The following SEC24D variants were observed in gnomAD, a reference collection of about 807,000 sequenced individuals.
SEC24D encodes protein transport protein Sec24D.
A neutral mutation model predicts 116.9 loss-of-function variants in SEC24D; 69 were observed. The ratio of observed to expected loss-of-function variants is 0.59; its 90% CI spans 0.49 to 0.72. The LOEUF is 0.72. Ranked by LOEUF, SEC24D falls within the 30% of genes least tolerant of loss-of-function variation. The pLI, the probability that SEC24D is intolerant of heterozygous loss-of-function variation, is 0.00. For synonymous variants in SEC24D, 405 were observed against 442.8 expected, an observed-to-expected ratio of 0.91 and a Z score of 1.07; for missense variants, 1,131 against 1,264.1, an observed-to-expected ratio of 0.89 and a Z score of 1.60.
At chr4:118,823,019 T>C (rs540274812) in intron 3 of SEC24D, among the ~76,000 whole-genome samples, 4 of 152,314 alleles carry the variant, frequency 2.6e-5, no homozygotes, top group South Asian at 4.1e-4. Flanking sequence ...CTGAGAATTC[T>C]ATATTCTCAT....
chr4:118,809,695 A>G (rs566466790), intron 6 of SEC24D, among the ~76,000 whole-genome samples: 3 of 152,298 alleles, frequency 2.0e-5, no homozygotes, highest in Admixed American at 6.5e-5. Context: ...GACATATACT[A>G]TGTATCAGGC....
intron 12 of SEC24D, 92 bp downstream of exon 12, chr4:118,752,605 T>G (rs1001430688): frequency 2.3e-5 from 20 of 851,596 alleles, no homozygotes; most frequent in Non-Finnish European, 3.2e-5. Context: ...CCCTTGCTAA[T>G]GATAAAACAA....
intron 16 of SEC24D, 31 bp from the exon 17 acceptor site, chr4:118,740,839 T>C (rs1318801985): frequency 6.8e-6 from 11 of 1,612,482 alleles, no homozygotes; most frequent in South Asian, 2.2e-5. Context: ...GAAATTTTGC[T>C]TGTCTTTATT....
intron 19 of SEC24D, 50 bp from the exon 20 acceptor site, chr4:118,732,962 A>G (rs1470500238): frequency 2.8e-6 from 4 of 1,451,662 alleles, no homozygotes; most frequent in Middle Eastern, 1.8e-4. Flanking sequence ...ACTGAGAACA[A>G]TTCCCTGAGC....
Position 118,757,790 on chromosome 4 carries a change from C to T in SEC24D, c.1352G>A (p.Ser451Asn), listed in dbSNP as rs2110463109. ...AFIFMIDVSY[S>N]NIKNGLVKLI... Reference sequence around the variant, plus strand: ...CTTGACAAGTCCATTCTTTATGTTACTATATGAAACATCAATCATGAAGAT... The same window carrying T: ...CTTGACAAGTCCATTCTTTATGTTATTATATGAAACATCAATCATGAAGAT... Residue 451 changes from serine to asparagine, a missense_variant, in exon 11 of 23, where the codon AGT becomes AAT. Ser to Asn is a conservative substitution (Grantham distance 46). Transcript: ENST00000280551. The T allele has an allele frequency of 6.2e-7, 1 of 1,611,988 alleles. No individual in the cohort carries two copies. The highest frequency in any genetic ancestry group is 8.5e-7 in the Non-Finnish European group (1 of 1,178,934).
chr4:118,760,206 C>T (rs977284150), intron 10 of SEC24D, among the ~76,000 whole-genome samples: 2 of 152,122 alleles, frequency 1.3e-5, no homozygotes, highest in Admixed American at 6.5e-5. Context: ...CCATTTCAAG[C>T]GTACAGTTCA....
At chr4:118,819,029 T>C (rs1730276089) in intron 3 of SEC24D, among the ~76,000 whole-genome samples, 1 of 152,062 alleles carries the variant, frequency 6.6e-6, no homozygotes, top group Non-Finnish European at 1.5e-5. Context: ...ACAGTAAAAG[T>C]TTTCTTTATA....
Position 118,832,697 on chromosome 4 carries a change from A to G in SEC24D, c.118+882T>C, listed in dbSNP as rs141998382. On this transcript the variant is annotated intron_variant, in intron 2 of 22. Transcript: ENST00000280551. ...AAAATAACTTACTGCATAGCATTGTATGAGGATTAAATAAGACAATACAGG... is the reference window on the plus strand; with the variant it reads ...AAAATAACTTACTGCATAGCATTGTGTGAGGATTAAATAAGACAATACAGG... Among the ~76,000 whole-genome samples, 728 of 152,308 alleles carry G rather than the reference A, an allele frequency of 4.8e-3. 6 individuals are homozygous for G. The highest frequency in any genetic ancestry group is 0.017 in the African/African-American group (688 of 41,568).
intron 21 of SEC24D, chr4:118,730,396 C>T (rs1057117461): frequency 3.9e-5 from 6 of 152,206 alleles, no homozygotes; most frequent in Admixed American, 1.3e-4. Flanking sequence ...ATATGCAGCT[C>T]TCTAAACTGA....
At chr4:118,748,809 T>A (rs1726673361) in intron 13 of SEC24D, among the ~76,000 whole-genome samples, 1 of 152,142 alleles carries the variant, frequency 6.6e-6, no homozygotes, top group Non-Finnish European at 1.5e-5. Flanking sequence ...AGGAAGGACC[T>A]TGATTTTGTG....
chr4:118,824,527 A>G, intron 3 of SEC24D, 93 bp downstream of exon 3: 1 of 1,394,876 alleles, frequency 7.2e-7, no homozygotes, highest in Non-Finnish European at 9.9e-7. Context: ...CAAAACGTCA[A>G]ACTTTCAACC....
Position 118,752,873 on chromosome 4 carries a change from C to T in SEC24D, c.1437G>A (p.Glu479=), listed in dbSNP as rs761936489. ...LEKIPKEEQE[E]TSAIRVGFIT... ...TAAAACCCACTCGAATTGCAGACGT[C>T]TCTTCTTGCTCTTCCCTGTAAGGAA... Residue 479 remains glutamate, a synonymous_variant, in exon 12 of 23, where the codon GAG becomes GAA. Coordinates refer to ENST00000280551, the MANE Select transcript of SEC24D (RefSeq NM_014822.4). The T allele has an allele frequency of 1.3e-6, 2 of 1,570,008 alleles. No homozygotes were observed. Among genetic ancestry groups the T allele is most frequent in the Non-Finnish European group, 1.7e-6 (2 of 1,164,350 alleles).
intron 2 of SEC24D, among the ~76,000 whole-genome samples, chr4:118,826,548 A>G (rs937316664): frequency 3.3e-5 from 5 of 152,216 alleles, no homozygotes; most frequent in South Asian, 2.1e-4. Context: ...TCACAACAGT[A>G]GCATTAAAAT....
At chr4:118,771,514 T>C (rs1281372527) in intron 8 of SEC24D, among the ~76,000 whole-genome samples, 1 of 152,178 alleles carries the variant, frequency 6.6e-6, no homozygotes, top group African/African-American at 2.4e-5. Flanking sequence ...TGCCAAATAC[T>C]GTGCTGATAC....
At chr4:118,813,692 G>A (rs943316805) in intron 6 of SEC24D, among the ~76,000 whole-genome samples, 2 of 152,240 alleles carry the variant, frequency 1.3e-5, no homozygotes, top group African/African-American at 4.8e-5. Flanking sequence ...GTTTCAACAT[G>A]AGTTTTGGAG....
intron 2 of SEC24D, among the ~76,000 whole-genome samples, chr4:118,826,382 T>A (rs991383042): frequency 1.3e-5 from 2 of 152,212 alleles, no homozygotes; most frequent in Admixed American, 6.5e-5. Context: ...AACCAATGGA[T>A]ATGACGGTTT....
At chr4:118,745,162 C>T (rs1344323261) in intron 13 of SEC24D, 102 bp from the exon 14 acceptor site, 1 of 678,776 alleles carries the variant, frequency 1.5e-6, no homozygotes, top group Non-Finnish European at 2.6e-6. Flanking sequence ...ATGAGCTAAG[C>T]ACTATATTCA....
At chr4:118,804,481 T>C (rs1032297879) in intron 7 of SEC24D, among the ~76,000 whole-genome samples, 9 of 151,856 alleles carry the variant, frequency 5.9e-5, no homozygotes, top group East Asian at 3.8e-4. Flanking sequence ...CCAATATTGT[T>C]TTATATTTAT....
intron 13 of SEC24D, among the ~76,000 whole-genome samples, chr4:118,749,899 A>G (rs925339795): frequency 3.3e-5 from 5 of 152,198 alleles, no homozygotes; most frequent in African/African-American, 1.2e-4. Context: ...TTATCTATTT[A>G]TAAAGAGTTA....
Sources: gnomAD v4.1 joint callset for allele counts (sites outside exome capture counted in the v4.1 genomes callset) on GRCh38, gnomAD v4.1.1 for gene constraint, MANE v1.5 for transcripts, NCBI Gene and HGNC (gene_info 2026-07-23, HGNC 2026-07-21) for gene names.